Variants in ELAVL1 observed in about 807,000 individuals in gnomAD.
ELAVL1 encodes ELAV like RNA binding protein 1, also known as ELAV-like protein 1.
Under a neutral mutation model 28.4 loss-of-function variants are expected in ELAVL1, and 1 was observed. That is an observed-to-expected ratio of 0.04 (90% CI 0.01 to 0.17). The LOEUF (loss-of-function observed/expected upper bound fraction) is 0.17, where lower values mean the gene tolerates loss of function less well. Ranked by LOEUF, ELAVL1 falls within the 10% of genes least tolerant of loss-of-function variation. ELAVL1 has a pLI of 1.00. For missense variants in ELAVL1, 157 were observed against 447.2 expected, an observed-to-expected ratio of 0.35 and a Z score of 5.85; for synonymous variants, 174 against 183.5, an observed-to-expected ratio of 0.95 and a Z score of 0.42.
intron 1 of ELAVL1, among the ~76,000 whole-genome samples, chr19:8,003,971 G>C (rs1490149704): frequency 1.3e-5 from 2 of 152,150 alleles, no homozygotes; most frequent in Non-Finnish European, 2.9e-5. Context: ...TTAAGAGTAA[G>C]GGTTTTGAAT....
At chr19:8,002,076 T>C in intron 1 of ELAVL1, 2 of 1,289,380 alleles carry the variant, frequency 1.6e-6, no homozygotes, top group Non-Finnish European at 2.0e-6. Flanking sequence ...CCAAGCCCTC[T>C]GCCCAGTGGA....
intron 2 of ELAVL1, among the ~76,000 whole-genome samples, chr19:7,990,866 G>A (rs1240959457): frequency 1.3e-5 from 2 of 152,170 alleles, no homozygotes; most frequent in African/African-American, 2.4e-5. Context: ...CACATGGTCT[G>A]TCCGTAATTC....
At position 7,979,489 on chromosome 19, in the gene ELAVL1, T is replaced by C. The variant is rs979701484; in HGVS notation, c.276+1594A>G. ...GCTGTGCAGGAATAATCAAGCGTTC[T>C]GCTCCACACCTCAGCCTGGCTGCCT... On this transcript the variant is annotated intron_variant, in intron 3 of 5. Coordinates refer to ENST00000407627, the MANE Select transcript of ELAVL1 (RefSeq NM_001419.3). This position sits in a 1 kb window ranked among gnomAD's most constrained non-coding sequence, Gnocchi z 5.4. 6.6e-6 allele frequency among the ~76,000 whole-genome samples: 1 copy of C among 152,358 alleles called. No homozygotes were observed. Among genetic ancestry groups the C allele is most frequent in the African/African-American group, 2.4e-5 (1 of 41,586 alleles).
intron 1 of ELAVL1, among the ~76,000 whole-genome samples, chr19:8,000,345 G>C (rs780457893): frequency 2.2e-4 from 34 of 152,312 alleles, no homozygotes; most frequent in Admixed American, 3.9e-4. Context: ...ATCATCTAGC[G>C]CATATCCAGG....
At chr19:7,968,098 T>A (rs1209008402) in intron 4 of ELAVL1, among the ~76,000 whole-genome samples, 3 of 152,086 alleles carry the variant, frequency 2.0e-5, no homozygotes, top group African/African-American at 7.2e-5. Context: ...GAAAGCAACA[T>A]TAGGAAACAG....
chr19:7,977,164 A>G (rs1204930312), intron 3 of ELAVL1, among the ~76,000 whole-genome samples: 12 of 152,134 alleles, frequency 7.9e-5, no homozygotes, highest in Non-Finnish European at 4.4e-5. Flanking sequence ...ACGCCTGCCT[A>G]TCTGCACTGC....
chr19:7,971,146 AC>A (rs1180720261), intron 4 of ELAVL1, among the ~76,000 whole-genome samples: 1 of 152,056 alleles, frequency 6.6e-6, no homozygotes, highest in Non-Finnish European at 1.5e-5. Flanking sequence ...TGCCCCCAAC[AC>A]CCTGGGAGAC....
In ELAVL1 at chr19:7,982,237, T is replaced by C. The variant is rs1002843678; in HGVS notation, c.173-1051A>G. ...CCAAATGCTCTCACTAAAGGGGAAGTGAGGAGGCACAGGGAAGAGCGCAAT... is the reference window on the plus strand; with the variant it reads ...CCAAATGCTCTCACTAAAGGGGAAGCGAGGAGGCACAGGGAAGAGCGCAAT... On this transcript the variant is annotated intron_variant, in intron 2 of 5. Coordinates refer to ENST00000407627, the MANE Select transcript of ELAVL1 (RefSeq NM_001419.3). This position sits in a 1 kb window ranked among gnomAD's most constrained non-coding sequence, Gnocchi z 4.3. Among the ~76,000 whole-genome samples, 1 of 152,154 alleles carries C rather than the reference T, an allele frequency of 6.6e-6. No individual in the cohort carries two copies. The highest frequency in any genetic ancestry group is 1.9e-4 in the East Asian group (1 of 5,192).
intron 5 of ELAVL1, among the ~76,000 whole-genome samples, chr19:7,966,572 G>A (rs868849041): frequency 6.6e-6 from 1 of 152,178 alleles, no homozygotes; most frequent in Non-Finnish European, 1.5e-5. Context: ...ACTCTCACCC[G>A]AGTATACCTA....
At position 7,959,800 on chromosome 19, in the gene ELAVL1, A is replaced by C. The variant is rs2042920; in HGVS notation, c.*3683T>G. 0.16 allele frequency: 23,908 copies of C among 151,972 alleles called. 2,313 individuals carry two copies. Among genetic ancestry groups the C allele is most frequent in the Non-Finnish European group, 0.22 (15,145 of 67,942 alleles). The allele number at this position is 151,972 out of a possible 1,614,324, so 9.4% of individuals were successfully genotyped here. On this transcript the variant is annotated 3_prime_UTR_variant, in exon 6 of 6. Coordinates refer to ENST00000407627, the MANE Select transcript of ELAVL1 (RefSeq NM_001419.3). ...TTGGGGACAGGAACCCCTGACCCCC[A>C]GAGTCAGCTAAACCCCAGGGGTCTC...
intron 1 of ELAVL1, among the ~76,000 whole-genome samples, chr19:8,004,956 CA>C (rs967876497): frequency 7.2e-5 from 11 of 151,904 alleles, no homozygotes; most frequent in Non-Finnish European, 1.5e-4. Flanking sequence ...AGATGGCGCT[CA>C]AAAAAAGATG....
chr19:7,964,122 T>C (rs1984887086), intron 5 of ELAVL1, among the ~76,000 whole-genome samples: 1 of 152,132 alleles, frequency 6.6e-6, no homozygotes, highest in Non-Finnish European at 1.5e-5. Flanking sequence ...GATGGGCGCT[T>C]CTCCTGGTCC....
Position 7,967,481 on chromosome 19 carries a change from C to T in ELAVL1, c.656+84G>A, listed in dbSNP as rs185507558. On this transcript the variant is annotated intron_variant, in intron 5 of 5. Transcript: ENST00000407627. ...CTCTGACGGGATCAGTCTATCATCCCCGTGGTTTCTATTCTGTGGCTGTGC... is the reference window on the plus strand; with the variant it reads ...CTCTGACGGGATCAGTCTATCATCCTCGTGGTTTCTATTCTGTGGCTGTGC... 2.2e-3 allele frequency: 3,092 copies of T among 1,433,890 alleles called. 6 individuals carry two copies. The highest frequency in any genetic ancestry group is 2.7e-3 in the Non-Finnish European group (2,882 of 1,053,280). The allele number at this position is 1,433,890 out of a possible 1,614,324, so 88.8% of individuals were successfully genotyped here.
At chr19:8,000,473 A>T (rs987608507) in intron 1 of ELAVL1, among the ~76,000 whole-genome samples, 1 of 152,190 alleles carries the variant, frequency 6.6e-6, no homozygotes, top group African/African-American at 2.4e-5. Context: ...AGGTATTCTA[A>T]ACCACTTGAG....
intron 5 of ELAVL1, among the ~76,000 whole-genome samples, chr19:7,965,667 A>G (rs1472832923): frequency 6.6e-6 from 1 of 152,062 alleles, no homozygotes; most frequent in Non-Finnish European, 1.5e-5. Context: ...CTGCTCGACC[A>G]GAAATGTCCA....
rs751178271 is a variant in ELAVL1 at position 7,991,637 on chromosome 19, T to C, written c.172+7A>G. 4 of 1,606,744 alleles carry C rather than the reference T, an allele frequency of 2.5e-6. No individual in the cohort carries two copies. Among genetic ancestry groups the C allele is most frequent in the Non-Finnish European group, 1.7e-6 (2 of 1,175,170 alleles). ...CCCGGTTTACTAAAACGCCTCCATT[T>C]CTTTACCTGCTACTTTATCCCGAAT... On this transcript the variant is annotated splice_region_variant and intron_variant, in intron 2 of 5. Transcript: ENST00000407627.
intron 1 of ELAVL1, among the ~76,000 whole-genome samples, chr19:7,999,854 G>A (rs1210416723): frequency 6.6e-6 from 1 of 152,182 alleles, no homozygotes; most frequent in Non-Finnish European, 1.5e-5. Flanking sequence ...TTGGCTCACT[G>A]CAACCTCCGC....
At chr19:7,991,419 C>T (rs1985749552) in intron 2 of ELAVL1, among the ~76,000 whole-genome samples, 1 of 152,218 alleles carries the variant, frequency 6.6e-6, no homozygotes, top group Admixed American at 6.5e-5. Context: ...TTATTTTGTA[C>T]ATGCTCTCTG....
chr19:7,985,932 C>T (rs922866466), intron 2 of ELAVL1, among the ~76,000 whole-genome samples: 2 of 152,198 alleles, frequency 1.3e-5, no homozygotes, highest in African/African-American at 4.8e-5. Context: ...AGGGACTGTA[C>T]CCTGAAAGCT....
Sources: allele counts gnomAD v4.1 joint callset (sites outside exome capture counted in the v4.1 genomes callset), GRCh38; gene constraint gnomAD v4.1.1; non-coding constraint Gnocchi (gnomAD v3.1); transcripts MANE v1.5; gene names NCBI Gene and HGNC (gene_info 2026-07-23, HGNC 2026-07-21).